Variants in MPPED2 observed in about 807,000 individuals in gnomAD.
MPPED2 encodes the protein metallophosphoesterase domain containing 2.
Under a neutral mutation model 33.0 loss-of-function variants are expected in MPPED2, and 5 were observed. The ratio of observed to expected loss-of-function variants is 0.15; its 90% CI spans 0.08 to 0.32. The LOEUF (loss-of-function observed/expected upper bound fraction) is 0.32. Among genes scored for constraint, MPPED2 ranks in the 10% least tolerant of loss-of-function variants. MPPED2 has a pLI of 1.00. For missense variants in MPPED2, 275 were observed against 372.1 expected, an observed-to-expected ratio of 0.74 and a Z score of 2.15; for synonymous variants, 136 against 141.9, an observed-to-expected ratio of 0.96 and a Z score of 0.29.
chr11:30,524,753 C>T (rs979852952), intron 3 of MPPED2, among the ~76,000 whole-genome samples: 7 of 152,080 alleles, frequency 4.6e-5, no homozygotes, highest in African/African-American at 1.7e-4. Context: ...CCAGGAGGTT[C>T]AGGTACCTGG....
In MPPED2 at chr11:30,439,522, C is replaced by T. The variant is rs531941371; in HGVS notation, c.537-21889G>A. 6.6e-5 allele frequency among the ~76,000 whole-genome samples: 10 copies of T among 152,220 alleles called. No homozygotes were observed. The South Asian group carries it at 1.9e-3, about 28-fold the overall frequency. On this transcript the variant is annotated intron_variant, in intron 4 of 6. Coordinates refer to ENST00000358117, the MANE Select transcript of MPPED2 (RefSeq NM_001584.3). ...TGTCACTATTATGTTCAATAGGCTGCTAGTGGATTTTGGTAATTTTCAGAA... is the reference window on the plus strand; with the variant it reads ...TGTCACTATTATGTTCAATAGGCTGTTAGTGGATTTTGGTAATTTTCAGAA...
intron 3 of MPPED2, among the ~76,000 whole-genome samples, chr11:30,504,379 G>C (rs1304705268): frequency 6.6e-6 from 1 of 152,180 alleles, no homozygotes; most frequent in Admixed American, 6.6e-5. Context: ...ATGAGGCTCA[G>C]GATGGGCTAA....
intron 3 of MPPED2, among the ~76,000 whole-genome samples, chr11:30,525,404 G>A (rs1007371800): frequency 2.0e-5 from 3 of 152,036 alleles, no homozygotes; most frequent in Non-Finnish European, 2.9e-5. Context: ...TCAAAGAGCC[G>A]CTTTTTTATT....
chr11:30,477,443 A>G (rs1285690156), intron 4 of MPPED2, among the ~76,000 whole-genome samples: 1 of 152,018 alleles, frequency 6.6e-6, no homozygotes, highest in African/African-American at 2.4e-5. Context: ...AGTCTTTTTG[A>G]ATGCTTTTTC....
At chr11:30,497,342 C>T (rs1313983927) in intron 3 of MPPED2, among the ~76,000 whole-genome samples, 1 of 152,174 alleles carries the variant, frequency 6.6e-6, no homozygotes, top group Non-Finnish European at 1.5e-5. Flanking sequence ...AATATCATGG[C>T]TCTGTGACCC....
chr11:30,454,405 G>A (rs491608), intron 4 of MPPED2, among the ~76,000 whole-genome samples: 31,550 of 151,942 alleles, frequency 0.21, 4,076 homozygotes, highest in Non-Finnish European at 0.3. Context: ...AGGAAGTGAA[G>A]GCAAACATTT....
At chr11:30,454,788 G>C (rs1950210507) in intron 4 of MPPED2, among the ~76,000 whole-genome samples, 1 of 151,966 alleles carries the variant, frequency 6.6e-6, no homozygotes, top group Admixed American at 6.6e-5. Flanking sequence ...ACTAGTGCTG[G>C]GCCAGATTCT....
chr11:30,514,182 T>C (rs1377130045), intron 3 of MPPED2, among the ~76,000 whole-genome samples: 4 of 152,164 alleles, frequency 2.6e-5, no homozygotes, highest in Non-Finnish European at 5.9e-5. Context: ...GTATCTTGAT[T>C]AGTTAGTACA....
At chr11:30,557,458 G>A (rs1470045309) in intron 2 of MPPED2, among the ~76,000 whole-genome samples, 1 of 151,960 alleles carries the variant, frequency 6.6e-6, no homozygotes, top group Non-Finnish European at 1.5e-5. Flanking sequence ...TTATGTCAAG[G>A]CAAATTATTA....
intron 4 of MPPED2, among the ~76,000 whole-genome samples, chr11:30,437,634 T>C (rs1359370745): frequency 6.6e-6 from 1 of 152,164 alleles, no homozygotes; most frequent in Non-Finnish European, 1.5e-5. Flanking sequence ...CCAGTTGACT[T>C]TTGCACAACC....
At chr11:30,423,614 A>G (rs1478758890) in intron 4 of MPPED2, among the ~76,000 whole-genome samples, 1 of 152,158 alleles carries the variant, frequency 6.6e-6, no homozygotes, top group Non-Finnish European at 1.5e-5. Context: ...AGTCAAACAG[A>G]CCCAAGTTCA....
intron 4 of MPPED2, among the ~76,000 whole-genome samples, chr11:30,433,006 C>T (rs992850692): frequency 6.6e-6 from 1 of 152,204 alleles, no homozygotes; most frequent in Admixed American, 6.5e-5. Context: ...TCTCCTTGCA[C>T]TGTTCTGATG....
chr11:30,494,052 T>C (rs997843986), intron 4 of MPPED2, among the ~76,000 whole-genome samples: 1 of 152,218 alleles, frequency 6.6e-6, no homozygotes, highest in South Asian at 2.1e-4. Flanking sequence ...TCAAACCACC[T>C]GTGCATCAGT....
At chr11:30,540,982 A>G (rs1432342306) in intron 2 of MPPED2, among the ~76,000 whole-genome samples, 1 of 152,212 alleles carries the variant, frequency 6.6e-6, no homozygotes, top group East Asian at 1.9e-4. Flanking sequence ...CTCCCTTTGT[A>G]GTGTCAGAAT....
chr11:30,426,275 T>C (rs1012273860), intron 4 of MPPED2, among the ~76,000 whole-genome samples: 4 of 152,256 alleles, frequency 2.6e-5, no homozygotes, highest in Non-Finnish European at 4.4e-5. Context: ...CTTTTGTGTC[T>C]GGCTTATTTC....
chr11:30,546,547 T>A (rs1177888535), intron 2 of MPPED2, among the ~76,000 whole-genome samples: 1 of 152,190 alleles, frequency 6.6e-6, no homozygotes, highest in African/African-American at 2.4e-5. Context: ...TGGGCTTCAT[T>A]GTTTAGTTAA....
exon 7 of MPPED2, chr11:30,387,599 T>C (rs539291965): frequency 6.6e-6 from 1 of 152,050 alleles, no homozygotes; most frequent in Admixed American, 6.5e-5. Flanking sequence ...CATGTGGAGG[T>C]GGTCCCTAGA....
At chr11:30,540,945 C>T (rs1955072395) in intron 2 of MPPED2, among the ~76,000 whole-genome samples, 2 of 152,162 alleles carry the variant, frequency 1.3e-5, no homozygotes, top group Admixed American at 1.3e-4. Flanking sequence ...TATTTCCTCC[C>T]AGATACAATT....
At chr11:30,515,587 G>T (rs140737432) in intron 3 of MPPED2, among the ~76,000 whole-genome samples, 2 of 152,230 alleles carry the variant, frequency 1.3e-5, no homozygotes, top group East Asian at 3.9e-4. Flanking sequence ...TTCCAAGTAG[G>T]TATGCAAAAC....
Sources: gnomAD v4.1 joint callset for allele counts (sites outside exome capture counted in the v4.1 genomes callset) on GRCh38, gnomAD v4.1.1 for gene constraint, MANE v1.5 for transcripts, NCBI Gene and HGNC (gene_info 2026-07-23, HGNC 2026-07-21) for gene names.